Variants in BANF2 observed in about 807,000 individuals in gnomAD.
The protein encoded by BANF2 is BANF family member 2, also known as barrier-to-autointegration factor-like protein.
A neutral mutation model predicts 8.0 loss-of-function variants in BANF2; 4 were observed. The ratio of observed to expected loss-of-function variants is 0.50; its 90% confidence interval spans 0.25 to 1.14. The LOEUF (loss-of-function observed/expected upper bound fraction) is 1.14. BANF2 is among the 50% of genes most tolerant of loss of function. BANF2 has a pLI of 0.16. For missense variants in BANF2, 96 were observed against 107.5 expected (o/e 0.89, Z 0.47); for synonymous variants, 50 against 40.6 (o/e 1.23, Z -0.88).
rs73266610 is a variant in BANF2 at position 17,712,234 on chromosome 20, G to A, written c.-166-10482G>A. 5.4e-3 allele frequency: 819 copies of A among 152,322 alleles called. 9 individuals are homozygous for A. Among genetic ancestry groups the A allele is most frequent in the African/African-American group, 0.018 (763 of 41,538 alleles). The allele number at this position is 152,322 out of a possible 1,614,324, so 9.4% of individuals were successfully genotyped here. A position where few individuals can be genotyped will look rare whatever the true frequency, so the allele number is the denominator to read the frequency against. ...ATGGTTGTGAGGTCCCCATGCATGG[G>A]ACTTCTTCCTCCTGACTCCAGGCTT... On this transcript the variant is annotated intron_variant, in intron 1 of 3. Transcript: ENST00000246090.
intron 1 of BANF2, among the ~76,000 whole-genome samples, chr20:17,710,324 A>T (rs2037550523): frequency 6.6e-6 from 1 of 152,144 alleles, no homozygotes; most frequent in Non-Finnish European, 1.5e-5. Flanking sequence ...CTTTGGAACC[A>T]CCCAGACCTC....
chr20:17,693,745 G>A, intron 1 of BANF2: 1 of 1,550,368 alleles, frequency 6.5e-7, no homozygotes. Context: ...TCACGGTGGG[G>A]AAGAGACGGC....
chr20:17,715,739 G>A (rs1334397343), intron 1 of BANF2, among the ~76,000 whole-genome samples: 2 of 152,216 alleles, frequency 1.3e-5, no homozygotes, highest in African/African-American at 4.8e-5. Context: ...TTGGATGAGT[G>A]AGTGAGTGAA....
intron 1 of BANF2, among the ~76,000 whole-genome samples, chr20:17,707,638 G>C (rs962633853): frequency 2.0e-5 from 3 of 151,940 alleles, no homozygotes; most frequent in Non-Finnish European, 2.9e-5. Flanking sequence ...GGAGTGCAAT[G>C]GCACGATCTC....
At chr20:17,703,960 C>G (rs969675477) in intron 1 of BANF2, among the ~76,000 whole-genome samples, 6 of 152,176 alleles carry the variant, frequency 3.9e-5, no homozygotes, top group Admixed American at 1.3e-4. Flanking sequence ...GTTGGCCAGG[C>G]TGATCTCAAA....
At chr20:17,717,271 A>G (rs1030244863) in intron 1 of BANF2, among the ~76,000 whole-genome samples, 3 of 152,028 alleles carry the variant, frequency 2.0e-5, no homozygotes, top group Admixed American at 2.0e-4. Context: ...TCTCACCCTC[A>G]TGCTCTCCCC....
intron 1 of BANF2, among the ~76,000 whole-genome samples, chr20:17,713,602 G>A (rs2037608593): frequency 6.6e-6 from 1 of 152,126 alleles, no homozygotes; most frequent in Admixed American, 6.5e-5. Context: ...GGAAAGCAGA[G>A]GCAGGAGGAT....
upstream of BANF2, among the ~76,000 whole-genome samples, chr20:17,696,164 G>A (rs1373879776): frequency 6.6e-6 from 1 of 152,070 alleles, no homozygotes; most frequent in Admixed American, 6.5e-5. Flanking sequence ...TTATGGACAT[G>A]TTTTCTTTTT....
intron 1 of BANF2, among the ~76,000 whole-genome samples, chr20:17,710,128 C>A (rs1248543298): frequency 1.3e-5 from 2 of 152,202 alleles, no homozygotes; most frequent in Non-Finnish European, 2.9e-5. Context: ...GGGTACTTAC[C>A]CACCTACTCA....
intron 1 of BANF2, among the ~76,000 whole-genome samples, chr20:17,713,840 T>TA (rs1278326445): frequency 6.7e-6 from 1 of 149,634 alleles, no homozygotes; most frequent in African/African-American, 2.5e-5. Context: ...ATCTCAAAAA[T>TA]AAAAAATAAA....
At chr20:17,731,373 G>C (rs1474220384) in intron 3 of BANF2, 1 of 152,194 alleles carries the variant, frequency 6.6e-6, no homozygotes, top group Non-Finnish European at 1.5e-5. Context: ...CTGCACCATG[G>C]AGTCTGGTGG....
chr20:17,719,687 TAAAA>T (rs34906896), intron 1 of BANF2, among the ~76,000 whole-genome samples: 1 of 141,828 alleles, frequency 7.1e-6, no homozygotes. Context: ...TTTTTTTAAT[TAAAA>T]AAAAAAAAAA....
At chr20:17,706,738 TAA>T (rs1413477480) in intron 1 of BANF2, among the ~76,000 whole-genome samples, 1 of 152,054 alleles carries the variant, frequency 6.6e-6, no homozygotes, top group African/African-American at 2.4e-5. Context: ...TCACTGCCAC[TAA>T]GAGAGGGGTA....
At chr20:17,715,599 G>A (rs1315356039) in intron 1 of BANF2, among the ~76,000 whole-genome samples, 1 of 152,226 alleles carries the variant, frequency 6.6e-6, no homozygotes, top group Non-Finnish European at 1.5e-5. Context: ...GTGGTCATTA[G>A]AAAGTGATTT....
At chr20:17,694,876 C>A (rs994124236) in intron 1 of BANF2, among the ~76,000 whole-genome samples, 11 of 151,962 alleles carry the variant, frequency 7.2e-5, no homozygotes, top group African/African-American at 2.7e-4. Context: ...CCTGCCTCAG[C>A]CTCCCAAAGT....
chr20:17,702,433 C>G (rs957256798), intron 1 of BANF2, among the ~76,000 whole-genome samples: 1 of 152,210 alleles, frequency 6.6e-6, no homozygotes, highest in Non-Finnish European at 1.5e-5. Context: ...AATTGTGGCA[C>G]TCTCCCTTCT....
intron 3 of BANF2, among the ~76,000 whole-genome samples, chr20:17,729,297 C>T (rs1159484242): frequency 6.6e-6 from 1 of 152,218 alleles, no homozygotes; most frequent in African/African-American, 2.4e-5. Flanking sequence ...TGGAGCCTCT[C>T]TTGAAATGGG....
chr20:17,712,722 A>T (rs147849921), intron 1 of BANF2, among the ~76,000 whole-genome samples: 1 of 152,036 alleles, frequency 6.6e-6, no homozygotes, highest in African/African-American at 2.4e-5. Flanking sequence ...CCGAGACAAC[A>T]TTGCTTTCCC....
chr20:17,727,341 A>G (rs1376320251), intron 3 of BANF2, among the ~76,000 whole-genome samples: 2 of 152,118 alleles, frequency 1.3e-5, no homozygotes, highest in Non-Finnish European at 2.9e-5. Flanking sequence ...CCCGTGATTG[A>G]GATGAGGGTC....
Sources: gnomAD v4.1 joint callset for allele counts (sites outside exome capture counted in the v4.1 genomes callset) on GRCh38, gnomAD v4.1.1 for gene constraint, MANE v1.5 for transcripts, NCBI Gene and HGNC (gene_info 2026-07-23, HGNC 2026-07-21) for gene names.